The following NEGR1 variants were observed in gnomAD, a reference collection of about 807,000 sequenced individuals.
NEGR1 encodes the protein neuronal growth regulator 1, also known as IgLON family member 4.
In NEGR1, 10 loss-of-function variants were observed where a neutral mutation model predicts 40.9. The observed-to-expected ratio is 0.24, with a 90% confidence interval of 0.15 to 0.42. NEGR1 has a LOEUF of 0.42. Ranked by LOEUF, NEGR1 falls within the 10% of genes least tolerant of loss-of-function variation. The pLI is 1.00. For synonymous variants in NEGR1, 185 were observed against 166.8 expected (o/e 1.11, Z -0.84); for missense variants, 352 against 438.9 (o/e 0.80, Z 1.77).
intron 6 of NEGR1, among the ~76,000 whole-genome samples, chr1:71,477,733 C>A (rs1188208873): frequency 6.6e-6 from 1 of 151,956 alleles, no homozygotes. Context: ...CTCCGTGGCC[C>A]TTTTGTTTGA....
intron 5 of NEGR1, among the ~76,000 whole-genome samples, chr1:71,604,197 G>C (rs1650011268): frequency 6.6e-6 from 1 of 152,020 alleles, no homozygotes; most frequent in South Asian, 2.1e-4. Flanking sequence ...CTGTCATGTA[G>C]CACCCCAGGC....
chr1:72,277,588 G>A (rs1300450677), intron 1 of NEGR1, among the ~76,000 whole-genome samples: 1 of 152,028 alleles, frequency 6.6e-6, no homozygotes, highest in Non-Finnish European at 1.5e-5. Flanking sequence ...GAACAGTTCT[G>A]CAAATCAATA....
At chr1:72,251,801 C>T (rs114461092) in intron 1 of NEGR1, among the ~76,000 whole-genome samples, 3,329 of 152,080 alleles carry the variant, frequency 0.022, 133 homozygotes, top group African/African-American at 0.076. Flanking sequence ...TTTCATTATA[C>T]CTTTATAATA....
intron 1 of NEGR1, among the ~76,000 whole-genome samples, chr1:72,055,577 T>C (rs1647102851): frequency 1.3e-5 from 2 of 150,976 alleles, no homozygotes; most frequent in African/African-American, 4.8e-5. Flanking sequence ...TTTTAACATT[T>C]AGAAGCATCT....
intron 1 of NEGR1, among the ~76,000 whole-genome samples, chr1:72,271,362 A>T (rs1362421456): frequency 6.6e-6 from 1 of 151,838 alleles, no homozygotes; most frequent in East Asian, 1.9e-4. Context: ...GAATAACATC[A>T]TTTTGTTCCA....
intron 1 of NEGR1, among the ~76,000 whole-genome samples, chr1:72,176,434 C>G (rs1489154090): frequency 6.6e-6 from 1 of 151,882 alleles, no homozygotes; most frequent in African/African-American, 2.4e-5. Flanking sequence ...GAGAAGAATA[C>G]CAAAATGGAT....
At chr1:71,712,744 G>A (rs891449975) in intron 3 of NEGR1, among the ~76,000 whole-genome samples, 1 of 152,088 alleles carries the variant, frequency 6.6e-6, no homozygotes, top group Non-Finnish European at 1.5e-5. Flanking sequence ...TTGGAGGATG[G>A]TCCTGGAGGG....
At chr1:72,070,885 T>G (rs895387540) in intron 1 of NEGR1, among the ~76,000 whole-genome samples, 1 of 152,084 alleles carries the variant, frequency 6.6e-6, no homozygotes, top group Non-Finnish European at 1.5e-5. Flanking sequence ...AATAAAGGTA[T>G]TAAGTTTATG....
intron 6 of NEGR1, among the ~76,000 whole-genome samples, chr1:71,434,908 G>A (rs1023232063): frequency 1.2e-4 from 18 of 152,130 alleles, no homozygotes; most frequent in Non-Finnish European, 2.1e-4. Flanking sequence ...TGGCTAAAAC[G>A]GTGAAACCCC....
intron 1 of NEGR1, among the ~76,000 whole-genome samples, chr1:72,159,341 T>C (rs1010684871): frequency 3.9e-5 from 6 of 152,080 alleles, no homozygotes; most frequent in African/African-American, 1.4e-4. Context: ...TAAGTCTTGG[T>C]TGATTAAACA....
At chr1:71,744,994 G>A (rs1557636353) in intron 3 of NEGR1, among the ~76,000 whole-genome samples, 4 of 152,108 alleles carry the variant, frequency 2.6e-5, no homozygotes, top group South Asian at 2.1e-4. Flanking sequence ...TATTTGAACT[G>A]AATTCTGAAC....
intron 1 of NEGR1, among the ~76,000 whole-genome samples, chr1:72,277,637 A>G (rs944464485): frequency 6.6e-6 from 1 of 152,110 alleles, no homozygotes; most frequent in Admixed American, 6.6e-5. Flanking sequence ...CCTAGAACAT[A>G]TTTTTCCAGA....
intron 4 of NEGR1, among the ~76,000 whole-genome samples, chr1:71,637,032 C>T (rs1473653913): frequency 6.6e-6 from 1 of 151,912 alleles, no homozygotes; most frequent in Non-Finnish European, 1.5e-5. Context: ...TGAAGAGGAC[C>T]AACAGATGTT....
chr1:71,884,630 A>G (rs1570466025), intron 2 of NEGR1, among the ~76,000 whole-genome samples: 1 of 152,204 alleles, frequency 6.6e-6, no homozygotes, highest in Non-Finnish European at 1.5e-5. Flanking sequence ...TCTGTGGTAT[A>G]CCAAAACCTG....
At chr1:71,457,918 G>C (rs1646685384) in intron 6 of NEGR1, among the ~76,000 whole-genome samples, 1 of 152,048 alleles carries the variant, frequency 6.6e-6, no homozygotes, top group Non-Finnish European at 1.5e-5. Flanking sequence ...TAGCCAGGAT[G>C]GTCTTGATCT....
intron 6 of NEGR1, among the ~76,000 whole-genome samples, chr1:71,539,726 T>A (rs1210823015): frequency 6.6e-6 from 1 of 151,714 alleles, no homozygotes; most frequent in Non-Finnish European, 1.5e-5. Context: ...ACAGTATAAA[T>A]ATTGCCATAC....
intron 1 of NEGR1, among the ~76,000 whole-genome samples, chr1:72,054,272 T>G (rs1242043112): frequency 6.6e-6 from 1 of 151,348 alleles, no homozygotes; most frequent in Non-Finnish European, 1.5e-5. Context: ...GCTGAGCAAA[T>G]GACTGCTGCA....
chr1:71,416,727 G>A (rs1646358531), intron 6 of NEGR1, among the ~76,000 whole-genome samples: 1 of 152,116 alleles, frequency 6.6e-6, no homozygotes, highest in Non-Finnish European at 1.5e-5. Context: ...CTGATACTCT[G>A]CCATACTTTG....
At chr1:72,176,587 T>C (rs1652173890) in intron 1 of NEGR1, among the ~76,000 whole-genome samples, 1 of 152,058 alleles carries the variant, frequency 6.6e-6, no homozygotes, top group Non-Finnish European at 1.5e-5. Context: ...ATGTTAGCAC[T>C]GGATGAGTAT....
Sources: allele counts gnomAD v4.1 joint callset (sites outside exome capture counted in the v4.1 genomes callset), GRCh38; gene constraint gnomAD v4.1.1; transcripts MANE v1.5; gene names NCBI Gene and HGNC (gene_info 2026-07-23, HGNC 2026-07-21).